Variants in PDE4B observed in about 807,000 individuals in gnomAD.
PDE4B encodes 3',5'-cyclic-AMP phosphodiesterase 4B.
A neutral mutation model predicts 82.2 loss-of-function variants in PDE4B; 20 were observed. The observed-to-expected ratio is 0.24, with a 90% confidence interval of 0.17 to 0.35. The LOEUF is 0.35. Among genes scored for constraint, PDE4B ranks in the 10% least tolerant of loss-of-function variants. The pLI is 1.00. For synonymous variants in PDE4B, 320 were observed against 318.9 expected, an observed-to-expected ratio of 1.00 and a Z score of -0.04; for missense variants, 655 against 907.2, an observed-to-expected ratio of 0.72 and a Z score of 3.57.
At chr1:66,056,370 G>A (rs1655290931) in intron 3 of PDE4B, among the ~76,000 whole-genome samples, 1 of 151,884 alleles carries the variant, frequency 6.6e-6, no homozygotes, top group Non-Finnish European at 1.5e-5. Flanking sequence ...AATGGTCAGA[G>A]ACATGCAATG....
intron 3 of PDE4B, among the ~76,000 whole-genome samples, chr1:66,162,172 G>A (rs945625717): frequency 1.3e-5 from 2 of 151,952 alleles, no homozygotes; most frequent in Non-Finnish European, 2.9e-5. Flanking sequence ...ATAGTGTAAC[G>A]TGGTCAGTGC....
At chr1:66,226,204 A>G (rs574731895) in intron 3 of PDE4B, among the ~76,000 whole-genome samples, 73 of 152,228 alleles carry the variant, frequency 4.8e-4, no homozygotes, top group African/African-American at 1.7e-3. Flanking sequence ...TTATCTTTCT[A>G]TCTCTTGTCT....
chr1:66,370,112 C>T (rs548759238), intron 16 of PDE4B, among the ~76,000 whole-genome samples: 1 of 130,600 alleles, frequency 7.7e-6, no homozygotes, highest in South Asian at 2.5e-4. Flanking sequence ...GATTGTGCCA[C>T]TGCATTCCAG....
chr1:66,230,114 G>A (rs1332850874), intron 3 of PDE4B, among the ~76,000 whole-genome samples: 1 of 152,198 alleles, frequency 6.6e-6, no homozygotes, highest in Non-Finnish European at 1.5e-5. Flanking sequence ...CCACAGAGTT[G>A]CTTAATTTGC....
chr1:66,309,531 G>T (rs910429363), intron 7 of PDE4B, among the ~76,000 whole-genome samples: 3 of 152,188 alleles, frequency 2.0e-5, no homozygotes, highest in Non-Finnish European at 4.4e-5. Context: ...GTTGCTCATT[G>T]CAGGTCAATG....
rs75668067 is a variant in PDE4B at position 65,852,813 on chromosome 1, A to G, written c.-71+59565A>G. 2.4e-3 allele frequency among the ~76,000 whole-genome samples: 362 copies of G among 152,118 alleles called. 3 individuals are homozygous for G. Among genetic ancestry groups the G allele is most frequent in the African/African-American group, 8.2e-3 (340 of 41,544 alleles). On this transcript the variant is annotated intron_variant, in intron 1 of 16. Transcript: ENST00000341517. ...AGACTTGTTTATGGTCCATGCTATT[A>G]TATCTCTTGGTACACTTTTCATATA... is the stretch of plus-strand genomic sequence containing the variant.
At chr1:66,358,344 T>C (rs1048329579) in intron 9 of PDE4B, among the ~76,000 whole-genome samples, 3 of 152,090 alleles carry the variant, frequency 2.0e-5, no homozygotes, top group Non-Finnish European at 1.5e-5. Flanking sequence ...TGGAAACAAG[T>C]CTTTAGGAAT....
chr1:65,938,624 A>C (rs1465020286), intron 3 of PDE4B, among the ~76,000 whole-genome samples: 1 of 152,224 alleles, frequency 6.6e-6, no homozygotes, highest in Non-Finnish European at 1.5e-5. Flanking sequence ...TACATTAAAA[A>C]ATTATAAAAC....
intron 3 of PDE4B, among the ~76,000 whole-genome samples, chr1:66,067,567 C>G (rs1291051758): frequency 2.0e-5 from 3 of 151,968 alleles, no homozygotes; most frequent in Admixed American, 1.3e-4. Context: ...TGTTTGAGTT[C>G]ATTGTAGATT....
chr1:65,852,748 A>G (rs1646345972), intron 1 of PDE4B, among the ~76,000 whole-genome samples: 1 of 151,994 alleles, frequency 6.6e-6, no homozygotes, highest in African/African-American at 2.4e-5. Flanking sequence ...TTGTGGTCAG[A>G]TACATCTTTT....
At chr1:66,294,139 G>A (rs1657320317) in intron 7 of PDE4B, among the ~76,000 whole-genome samples, 1 of 152,106 alleles carries the variant, frequency 6.6e-6, no homozygotes, top group African/African-American at 2.4e-5. Flanking sequence ...CCAGGAGGCG[G>A]TGGTTGCAGT....
At chr1:65,893,565 C>A (rs1158366864) in intron 1 of PDE4B, among the ~76,000 whole-genome samples, 2 of 151,992 alleles carry the variant, frequency 1.3e-5, no homozygotes, top group Non-Finnish European at 2.9e-5. Context: ...ATTAGTGCAA[C>A]CACCATGGAA....
intron 7 of PDE4B, among the ~76,000 whole-genome samples, chr1:66,290,315 A>C (rs1176039663): frequency 1.3e-5 from 2 of 152,192 alleles, no homozygotes; most frequent in African/African-American, 4.8e-5. Flanking sequence ...GATAATCATC[A>C]TCACCATAGC....
intron 1 of PDE4B, among the ~76,000 whole-genome samples, chr1:65,881,946 G>T (rs1481174985): frequency 6.6e-6 from 1 of 152,138 alleles, no homozygotes; most frequent in Non-Finnish European, 1.5e-5. Flanking sequence ...TCTAATAAGT[G>T]CTTTCCTGAG....
chr1:65,927,206 A>T lies in PDE4B; in HGVS notation c.281+8371A>T, dbSNP rs1264532694. On this transcript the variant is annotated intron_variant, in intron 3 of 16. Transcript: ENST00000341517. ...GAGAAATAAATGAAGATAAGATAAC[A>T]TTGTTTAGTTTTTTCAAGCTAAACT... is the stretch of plus-strand genomic sequence containing the variant. 3.3e-5 allele frequency among the ~76,000 whole-genome samples: 5 copies of T among 151,942 alleles called. No individual in the cohort carries two copies. In the South Asian group the frequency reaches 1.0e-3, roughly 32 times the overall value.
Position 66,195,432 on chromosome 1 carries a change from C to G in PDE4B, c.282-52028C>G, listed in dbSNP as rs191837068. 5.3e-4 allele frequency among the ~76,000 whole-genome samples: 81 copies of G among 152,184 alleles called. 1 individual carries two copies. The East Asian group carries it at 0.011, about 21-fold the overall frequency. ...TTGACCTTCTTTCATGGGGAACAGC[C>G]AAAGGGCCAGAGGAATACACGGACT... On this transcript the variant is annotated intron_variant, in intron 3 of 16. Transcript: ENST00000341517.
At chr1:66,203,869 G>T (rs1421731539) in intron 3 of PDE4B, among the ~76,000 whole-genome samples, 1 of 152,176 alleles carries the variant, frequency 6.6e-6, no homozygotes, top group Admixed American at 6.5e-5. Flanking sequence ...TCTCCGTCCA[G>T]CTTTGTTCCA....
intron 3 of PDE4B, among the ~76,000 whole-genome samples, chr1:65,938,415 T>C (rs1648269136): frequency 6.6e-6 from 1 of 152,226 alleles, no homozygotes; most frequent in Non-Finnish European, 1.5e-5. Context: ...TTCATAAATT[T>C]CTGAGGATGC....
At chr1:66,075,909 CAAAACAAAACAAAACAAAA>C (rs1217606976) in intron 3 of PDE4B, among the ~76,000 whole-genome samples, 188 of 43,626 alleles carry the variant, frequency 4.3e-3, no homozygotes, top group East Asian at 0.024. Flanking sequence ...CAAAACAAAA[CAAAACAAAACAAAACAAAA>C]AAAACAAAAC....
Sources: gnomAD v4.1 joint callset for allele counts (sites outside exome capture counted in the v4.1 genomes callset) on GRCh38, gnomAD v4.1.1 for gene constraint, MANE v1.5 for transcripts, NCBI Gene and HGNC (gene_info 2026-07-23, HGNC 2026-07-21) for gene names.